Variants in GTF3A observed in about 807,000 individuals in gnomAD.
GTF3A encodes the protein transcription factor IIIA.
GTF3A carries 40 observed loss-of-function variants against 37.6 expected under a neutral mutation model. The observed-to-expected ratio is 1.06, with a 90% CI of 0.83 to 1.38. The LOEUF (loss-of-function observed/expected upper bound fraction) is 1.38. Among genes scored for constraint, GTF3A ranks in the 40% most tolerant of loss-of-function variants. GTF3A has a pLI of 0.00. For missense variants in GTF3A, 500 were observed against 462.6 expected (o/e 1.08, Z -0.74); for synonymous variants, 191 against 166.7 (o/e 1.15, Z -1.12).
chr13:27,427,268 A>T, intron 2 of GTF3A, 76 bp downstream of exon 2: 1 of 745,056 alleles, frequency 1.3e-6, no homozygotes, highest in Non-Finnish European at 2.4e-6. Context: ...GATTGATGTT[A>T]ACTCACGAGA....
At chr13:27,425,067 G>C in intron 1 of GTF3A, 129 bp downstream of exon 1, 1 of 621,990 alleles carries the variant, frequency 1.6e-6, no homozygotes, top group Non-Finnish European at 2.7e-6. Flanking sequence ...CAGGACTTGG[G>C]GAAGGAGCTG....
intron 5 of GTF3A, among the ~76,000 whole-genome samples, chr13:27,433,389 G>A (rs1953675536): frequency 6.6e-6 from 1 of 151,000 alleles, no homozygotes; most frequent in Admixed American, 6.6e-5. Flanking sequence ...TTTCTAGTTG[G>A]GTGGAACTCA....
At chr13:27,429,755 T>C (rs1000323459) in intron 2 of GTF3A, 115 bp from the exon 3 acceptor site, 1 of 572,266 alleles carries the variant, frequency 1.7e-6, no homozygotes, top group African/African-American at 1.9e-5. Flanking sequence ...AAGACTATTT[T>C]ATAGTATTAC....
chr13:27,434,556 C>T, intron 6 of GTF3A: 1 of 563,702 alleles, frequency 1.8e-6, no homozygotes, highest in Non-Finnish European at 3.1e-6. Context: ...TCTGTACCTC[C>T]CCACAGTCAC....
At chr13:27,435,086 T>C (rs2138031394) in intron 7 of GTF3A, 47 bp from the exon 8 acceptor site, 1 of 1,561,766 alleles carries the variant, frequency 6.4e-7, no homozygotes, top group South Asian at 1.1e-5. Flanking sequence ...TTTCACAACA[T>C]GGTTTTCATA....
In GTF3A at chr13:27,428,253, C is replaced by G. The variant is rs567659066; in HGVS notation, c.302+1061C>G. Among the ~76,000 whole-genome samples the G allele has an allele frequency of 2.6e-5, 4 of 152,300 alleles. 1 individual carries two copies. In the South Asian group the frequency reaches 8.3e-4, roughly 32 times the overall value. ...GTGACCCATAGCAAAGATAAGGCAGCTCCCTGGACTCTCCATTCTTTCTCC... is the reference window on the plus strand; with the variant it reads ...GTGACCCATAGCAAAGATAAGGCAGGTCCCTGGACTCTCCATTCTTTCTCC... On this transcript the variant is annotated intron_variant, in intron 2 of 8. Coordinates refer to ENST00000381140, the MANE Select transcript of GTF3A (RefSeq NM_002097.3).
intron 3 of GTF3A, 40 bp from the exon 4 acceptor site, chr13:27,430,493 T>G: frequency 7.9e-7 from 1 of 1,263,842 alleles, no homozygotes; most frequent in South Asian, 1.3e-5. Context: ...CATTTTGTTT[T>G]GACTTTCCAT....
At chr13:27,426,782 G>A (rs997998016) in intron 1 of GTF3A, among the ~76,000 whole-genome samples, 19 of 152,184 alleles carry the variant, frequency 1.2e-4, no homozygotes, top group African/African-American at 2.2e-4. Context: ...CAGCCAGGGC[G>A]TCTTTAAGAG....
At position 27,424,904 on chromosome 13, in the gene GTF3A, A is replaced by C. The variant is rs1015087323; in HGVS notation, c.167A>C (p.Lys56Thr). ...AGCGCCAATTACAGCAAAGCCTGGAAGCTTGACGCGCACCTGTGCAAGCAC... is the reference window on the plus strand; with the variant it reads ...AGCGCCAATTACAGCAAAGCCTGGACGCTTGACGCGCACCTGTGCAAGCAC... Residue 56 changes from lysine to threonine, a missense_variant, in exon 1 of 9, where the codon AAG becomes ACG. By Grantham distance (78) the Lys-to-Thr change is moderately conservative (BLOSUM62 -1). Coordinates refer to ENST00000381140, the MANE Select transcript of GTF3A (RefSeq NM_002097.3). 6.5e-7 allele frequency: 1 copy of C among 1,549,850 alleles called. No individual in the cohort carries two copies. The highest frequency in any genetic ancestry group is 8.7e-7 in the Non-Finnish European group (1 of 1,146,194).
Position 27,424,828 on chromosome 13 carries a change from C to T in GTF3A, c.91C>T (p.Pro31Ser), listed in dbSNP as rs1199062646. ...AGCCGGCGAGAGCTCAGCTCCGACC[C>T]CGCCGCGCCCCGCGCTTCCCAGGAG... The change falls in exon 1 of 9, where the codon CCG becomes TCG. Residue 31 changes from proline to serine, a missense_variant. Physicochemically the swap from Pro to Ser is moderately conservative, Grantham distance 74. Coordinates refer to ENST00000381140, the MANE Select transcript of GTF3A (RefSeq NM_002097.3). The T allele has an allele frequency of 8.4e-6, 13 of 1,551,002 alleles. No individual in the cohort carries two copies. Among genetic ancestry groups the T allele is most frequent in the South Asian group, 2.4e-5 (2 of 83,828 alleles).
At chr13:27,430,375 A>C (rs1041985141) in intron 3 of GTF3A, among the ~76,000 whole-genome samples, 158 bp from the exon 4 acceptor site, 3 of 152,232 alleles carry the variant, frequency 2.0e-5, no homozygotes, top group African/African-American at 7.2e-5. Context: ...TGATTCTTCA[A>C]ACCTTTTTGA....
intron 1 of GTF3A, 189 bp downstream of exon 1, chr13:27,425,127 C>G: frequency 1.9e-6 from 1 of 525,786 alleles, no homozygotes; most frequent in South Asian, 2.6e-5. Flanking sequence ...CCTTGATATC[C>G]ATGGCAGGGG....
At chr13:27,430,140 A>G (rs970933073) in intron 3 of GTF3A, among the ~76,000 whole-genome samples, 174 bp downstream of exon 3, 2 of 151,010 alleles carry the variant, frequency 1.3e-5, no homozygotes, top group Non-Finnish European at 3.0e-5. Context: ...AAAAAAAACA[A>G]AAACAGAAAA....
At position 27,424,717 on chromosome 13, in the gene GTF3A, G is replaced by A; in HGVS notation, c.-21G>A. ...GGCACGTGGCAGCGCGCCTGGCCCT[G>A]GGCTTGGAGGCGCCGGCGCCCTGGA... is the stretch of plus-strand genomic sequence containing the variant. On this transcript the variant is annotated 5_prime_UTR_variant, in exon 1 of 9. Transcript: ENST00000381140. 2 of 1,416,452 alleles carry A rather than the reference G, an allele frequency of 1.4e-6. No individual in the cohort carries two copies. The highest frequency in any genetic ancestry group is 2.9e-5 in the East Asian group (1 of 34,020). The allele number at this position is 1,416,452 out of a possible 1,614,324, so 87.7% of individuals were successfully genotyped here.
intron 6 of GTF3A, 66 bp downstream of exon 6, chr13:27,434,285 T>C: frequency 2.6e-6 from 2 of 781,150 alleles, no homozygotes. Context: ...TTTAGTGCTT[T>C]TCAAGAGTGA....
In GTF3A at chr13:27,424,686, T is replaced by C. The variant is rs1953585548; in HGVS notation, c.-52T>C. 2 of 1,264,792 alleles carry C rather than the reference T, an allele frequency of 1.6e-6. No homozygotes were observed. The highest frequency in any genetic ancestry group is 2.0e-6 in the Non-Finnish European group (2 of 980,470). 78.3% of individuals were successfully genotyped at this position (1,264,792 alleles called of 1,614,324 possible). A position where few individuals can be genotyped will look rare whatever the true frequency, so the allele number is the denominator to read the frequency against. ...GCCGGGCGCGCCGGTTCCCGGCACG[T>C]GTCTCGGCACGTGGCAGCGCGCCTG... On this transcript the variant is annotated 5_prime_UTR_variant, in exon 1 of 9. Coordinates refer to ENST00000381140, the MANE Select transcript of GTF3A (RefSeq NM_002097.3).
At chr13:27,425,128 A>G (rs1048073385) in intron 1 of GTF3A, 190 bp downstream of exon 1, 36 of 523,356 alleles carry the variant, frequency 6.9e-5, no homozygotes, top group Non-Finnish European at 1.2e-4. Context: ...CTTGATATCC[A>G]TGGCAGGGGC....
intron 8 of GTF3A, 21 bp from the exon 9 acceptor site, chr13:27,435,412 G>A (rs765197742): frequency 6.2e-7 from 1 of 1,605,182 alleles, no homozygotes; most frequent in Non-Finnish European, 8.5e-7. Flanking sequence ...TTCTAATCGT[G>A]TGTCTTCCTT....
rs368449439 is a variant in GTF3A at position 27,430,606 on chromosome 13, A to G, written c.473A>G (p.Asn158Ser). 30 of 1,604,684 alleles carry G rather than the reference A, an allele frequency of 1.9e-5. No homozygotes were observed. The highest frequency in any genetic ancestry group is 3.3e-5 in the South Asian group (3 of 90,644). ...AAAATCCATCAGTGCCAGCATACCAATGAACCTCTATTCAAGTAGGTACTT... is the reference window on the plus strand; with the variant it reads ...AAAATCCATCAGTGCCAGCATACCAGTGAACCTCTATTCAAGTAGGTACTT... The change falls in exon 4 of 9, where the codon AAT becomes AGT. Residue 158 changes from asparagine (N) to serine (S), a missense_variant. By Grantham distance (46) the Asn-to-Ser change is conservative. Coordinates refer to ENST00000381140, the MANE Select transcript of GTF3A (RefSeq NM_002097.3).
Sources: gnomAD v4.1 joint callset for allele counts (sites outside exome capture counted in the v4.1 genomes callset) on GRCh38, gnomAD v4.1.1 for gene constraint, MANE v1.5 for transcripts, NCBI Gene and HGNC (gene_info 2026-07-23, HGNC 2026-07-21) for gene names.